FNBP1: variants seen among roughly 807,000 people sequenced by gnomAD.
FNBP1 encodes the protein formin-binding protein 1.
In FNBP1, 26 loss-of-function variants were observed where a neutral mutation model predicts 90.6. The ratio of observed to expected loss-of-function variants is 0.29; its 90% CI spans 0.21 to 0.40. The LOEUF (loss-of-function observed/expected upper bound fraction) is 0.40, where lower values mean the gene tolerates loss of function less well. Ranked by LOEUF, FNBP1 falls within the 10% of genes least tolerant of loss-of-function variation. The pLI, the probability that FNBP1 is intolerant of heterozygous loss-of-function variation, is 1.00. For missense variants in FNBP1, 635 were observed against 768.0 expected, an observed-to-expected ratio of 0.83 and a Z score of 2.05; for synonymous variants, 260 against 265.2, an observed-to-expected ratio of 0.98 and a Z score of 0.19.
Position 129,978,705 on chromosome 9 carries a change from T to C in FNBP1, c.198-93A>G, listed in dbSNP as rs534060850. ...CAAGAAAATATTAATTAAAATCAGG[T>C]TAATTGGCATCCACCTCCCATAGGA... On this transcript the variant is annotated intron_variant, in intron 3 of 16. Coordinates refer to ENST00000446176, the MANE Select transcript of FNBP1 (RefSeq NM_015033.3). 31 of 1,282,248 alleles carry C rather than the reference T, an allele frequency of 2.4e-5. No homozygotes were observed. The East Asian group carries it at 5.5e-4, about 23-fold the overall frequency. 79.4% of individuals were successfully genotyped at this position (1,282,248 alleles called of 1,614,324 possible). A position where few individuals can be genotyped will look rare whatever the true frequency, so the allele number is the denominator to read the frequency against.
chr9:129,988,226 T>C (rs140406941), intron 2 of FNBP1, among the ~76,000 whole-genome samples: 112 of 152,104 alleles, frequency 7.4e-4, no homozygotes, highest in Admixed American at 9.8e-4. Flanking sequence ...ATCATGCCAC[T>C]GCACTCCAGC....
At chr9:130,007,313 A>T (rs2131591116) in intron 1 of FNBP1, among the ~76,000 whole-genome samples, 1 of 151,912 alleles carries the variant, frequency 6.6e-6, no homozygotes, top group African/African-American at 2.4e-5. Flanking sequence ...GCATTTTCAT[A>T]TTTTTATAAC....
intron 1 of FNBP1, among the ~76,000 whole-genome samples, chr9:130,038,553 C>T (rs1000155700): frequency 2.6e-5 from 4 of 151,716 alleles, no homozygotes; most frequent in African/African-American, 7.3e-5. Flanking sequence ...TGGACCACCA[C>T]GCCCGGCTAA....
At chr9:129,948,950 T>A (rs1454379755) in intron 6 of FNBP1, among the ~76,000 whole-genome samples, 1 of 152,100 alleles carries the variant, frequency 6.6e-6, no homozygotes, top group Non-Finnish European at 1.5e-5. Flanking sequence ...TTAATTAATT[T>A]TTTTTTACAA....
chr9:130,020,249 C>T (rs919798061), intron 1 of FNBP1, among the ~76,000 whole-genome samples: 1 of 152,108 alleles, frequency 6.6e-6, no homozygotes, highest in Non-Finnish European at 1.5e-5. Flanking sequence ...GCTTTGTAGC[C>T]CAGGCTGGAG....
chr9:129,911,063 C>T (rs1335866225), intron 11 of FNBP1, among the ~76,000 whole-genome samples: 2 of 152,266 alleles, frequency 1.3e-5, no homozygotes, highest in Middle Eastern at 3.4e-3. Flanking sequence ...GATTTCACCA[C>T]GTTGGTCAGG....
the FNBP1 span, among the ~76,000 whole-genome samples, chr9:130,050,814 GT>G: frequency 1.3e-4 from 5 of 37,134 alleles, no homozygotes; most frequent in African/African-American, 2.5e-4. Flanking sequence ...TAATTTTTGT[GT>G]TTTTTTTTTG....
At chr9:129,945,462 C>T (rs1034844364) in intron 6 of FNBP1, among the ~76,000 whole-genome samples, 1 of 152,144 alleles carries the variant, frequency 6.6e-6, no homozygotes, top group African/African-American at 2.4e-5. Flanking sequence ...GAAACAGAAA[C>T]GTGGGGAAGG....
chr9:130,009,619 G>A (rs2056274454), intron 1 of FNBP1, among the ~76,000 whole-genome samples: 1 of 152,122 alleles, frequency 6.6e-6, no homozygotes, highest in Admixed American at 6.6e-5. Context: ...TGGCCAACAT[G>A]GTGAAACCCC....
chr9:130,044,923 C>A, upstream of FNBP1: 1 of 151,592 alleles, frequency 6.6e-6, no homozygotes, highest in Non-Finnish European at 1.5e-5. Flanking sequence ...GGTGACAGAG[C>A]GAGACTGTCT....
chr9:130,041,737 TAA>T lies in FNBP1; in HGVS notation c.24+1213_24+1214del, dbSNP rs2059837017. ...TAACAACCGTAGCTGCTTCTGTACC[TAA>T]CAAATGGTTATGTAAAAACAATTAA... is the stretch of plus-strand genomic sequence containing the variant. On this transcript the variant is annotated intron_variant, in intron 1 of 16. Transcript: ENST00000446176. The surrounding 1 kb of genome is among the most constrained non-coding windows in gnomAD (Gnocchi z 4.3). Among the ~76,000 whole-genome samples, 1 of 152,212 alleles carries T rather than the reference TAA, an allele frequency of 6.6e-6. No individual in the cohort carries two copies. The highest frequency in any genetic ancestry group is 1.5e-5 in the Non-Finnish European group (1 of 68,040).
chr9:129,950,985 T>G (rs942686651), intron 6 of FNBP1, among the ~76,000 whole-genome samples: 179 of 150,130 alleles, frequency 1.2e-3, no homozygotes, highest in African/African-American at 4.1e-3. Flanking sequence ...TTTTTTTTTT[T>G]TTTTGAGACT....
intron 4 of FNBP1, among the ~76,000 whole-genome samples, chr9:129,967,336 C>T (rs1381572173): frequency 1.3e-5 from 2 of 152,114 alleles, no homozygotes; most frequent in East Asian, 1.9e-4. Context: ...GCCAATATGG[C>T]AAAATCCCGT....
At chr9:129,931,155 G>A (rs2042675700) in intron 6 of FNBP1, among the ~76,000 whole-genome samples, 1 of 152,008 alleles carries the variant, frequency 6.6e-6, no homozygotes, top group Admixed American at 6.6e-5. Flanking sequence ...AATTAGCTGG[G>A]CATGGTGGTA....
At chr9:129,944,270 C>T (rs562679567) in intron 6 of FNBP1, among the ~76,000 whole-genome samples, 2 of 151,794 alleles carry the variant, frequency 1.3e-5, no homozygotes, top group Non-Finnish European at 2.9e-5. Context: ...TGGCCGGGTG[C>T]GGTAGCTCAT....
chr9:129,931,550 G>A (rs981736139), intron 6 of FNBP1, among the ~76,000 whole-genome samples: 1 of 151,970 alleles, frequency 6.6e-6, no homozygotes, highest in African/African-American at 2.4e-5. Flanking sequence ...AGCTTGCAAT[G>A]AGCCGAGATC....
In FNBP1 at chr9:129,890,332, G is replaced by A; in HGVS notation, c.*207C>T. On this transcript the variant is annotated 3_prime_UTR_variant, in exon 17 of 17. Transcript: ENST00000446176. This position sits in a 1 kb window ranked among gnomAD's most constrained non-coding sequence, Gnocchi z 5.8. ...GACCCGAGCCATGGGGGTGGGCGCT[G>A]GCGAGACTTGTCCCCCACGAGGTGG... is the stretch of plus-strand genomic sequence containing the variant. The A allele has an allele frequency of 1.7e-6, 1 of 601,122 alleles. No individual in the cohort carries two copies. Among genetic ancestry groups the A allele is most frequent in the East Asian group, 2.8e-5 (1 of 35,740 alleles). The allele number at this position is 601,122 out of a possible 1,614,324, so 37.2% of individuals were successfully genotyped here.
intron 6 of FNBP1, among the ~76,000 whole-genome samples, chr9:129,944,292 C>T (rs78356860): frequency 0.082 from 12,424 of 152,014 alleles, 562 homozygotes; most frequent in South Asian, 0.089. Context: ...CCTGTAATCC[C>T]AGCACTTTGG....
chr9:129,948,033 A>C (rs1684253594), intron 6 of FNBP1, among the ~76,000 whole-genome samples: 2 of 151,182 alleles, frequency 1.3e-5, no homozygotes, highest in Admixed American at 1.3e-4. Context: ...TCACACCTAT[A>C]ATCTCAGCAC....
Sources: allele counts gnomAD v4.1 joint callset (sites outside exome capture counted in the v4.1 genomes callset), GRCh38; gene constraint gnomAD v4.1.1; non-coding constraint Gnocchi (gnomAD v3.1); transcripts MANE v1.5; gene names NCBI Gene and HGNC (gene_info 2026-07-23, HGNC 2026-07-21).